The following HACL1 variants were observed in gnomAD, a reference collection of about 807,000 sequenced individuals.
The protein encoded by HACL1 is 1600020H07Rik.
Under a neutral mutation model 74.2 loss-of-function variants are expected in HACL1, and 64 were observed. The observed-to-expected ratio is 0.86, with a 90% CI of 0.70 to 1.06. The LOEUF (loss-of-function observed/expected upper bound fraction) is 1.06. HACL1 is among the 50% of genes least tolerant of loss of function. The pLI, the probability that HACL1 is intolerant of heterozygous loss-of-function variation, is 0.00. For synonymous variants in HACL1, 230 were observed against 238.8 expected (o/e 0.96, Z 0.34); for missense variants, 728 against 719.7 (o/e 1.01, Z -0.13).
chr3:15,563,587 C>T, intron 15 of HACL1, 43 bp from the exon 16 acceptor site: 1 of 1,292,626 alleles, frequency 7.7e-7, no homozygotes, highest in Non-Finnish European at 1.1e-6. Context: ...AAATCTTAAA[C>T]CTTGTAGAAA....
intron 9 of HACL1, 83 bp from the exon 10 acceptor site, chr3:15,575,165 T>A: frequency 1.4e-6 from 1 of 718,970 alleles, no homozygotes; most frequent in South Asian, 1.8e-5. Context: ...ATTTGAAAAG[T>A]CTAAATCATT....
chr3:15,567,737 A>G (rs887824469), intron 14 of HACL1, 107 bp downstream of exon 14: 4 of 999,768 alleles, frequency 4.0e-6, no homozygotes, highest in Non-Finnish European at 6.2e-6. Flanking sequence ...TGCTGTGCAC[A>G]GGGCACCTGG....
At chr3:15,597,216 T>C (rs780849358) in intron 2 of HACL1, among the ~76,000 whole-genome samples, 6 of 152,226 alleles carry the variant, frequency 3.9e-5, no homozygotes, top group Non-Finnish European at 8.8e-5. Flanking sequence ...ATTTACAAAA[T>C]ACCAAAAAGT....
At chr3:15,565,682 A>C (rs1183636014) in intron 14 of HACL1, among the ~76,000 whole-genome samples, 1 of 152,246 alleles carries the variant, frequency 6.6e-6, no homozygotes, top group Non-Finnish European at 1.5e-5. Flanking sequence ...CCATGCTCAA[A>C]AGGAGTCATT....
chr3:15,599,393 C>T (rs544030715), intron 2 of HACL1, among the ~76,000 whole-genome samples: 1 of 152,260 alleles, frequency 6.6e-6, no homozygotes, highest in East Asian at 1.9e-4. Context: ...CAGCCCCCTT[C>T]GTAGCTGGGA....
intron 5 of HACL1, among the ~76,000 whole-genome samples, chr3:15,589,213 C>T (rs891024345): frequency 1.3e-5 from 2 of 152,088 alleles, no homozygotes; most frequent in African/African-American, 4.8e-5. Context: ...TTAAGAGTTG[C>T]AGGCCAAGTG....
chr3:15,567,803 T>C (rs1306519418), intron 14 of HACL1, 41 bp downstream of exon 14: 3 of 1,575,570 alleles, frequency 1.9e-6, no homozygotes, highest in East Asian at 2.2e-5. Context: ...ATTTTTCATA[T>C]TCTAGAGAAT....
intron 4 of HACL1, 138 bp from the exon 5 acceptor site, chr3:15,589,750 T>C (rs1168610416): frequency 3.1e-6 from 2 of 651,708 alleles, no homozygotes; most frequent in Non-Finnish European, 5.3e-6. Context: ...AACTGTAGAT[T>C]AAGGCTGGGT....
chr3:15,589,583 T>C lies in HACL1; in HGVS notation c.338A>G (p.Glu113Gly). 1 of 1,610,836 alleles carries C rather than the reference T, an allele frequency of 6.2e-7. No homozygotes were observed. Among genetic ancestry groups the C allele is most frequent in the Non-Finnish European group, 8.5e-7 (1 of 1,177,102 alleles). ...WPLLVIGGSSERNQETMGAFQ... is the reference protein window; with the variant it reads ...WPLLVIGGSSGRNQETMGAFQ... ...AGCTCCCATTGTTTCTTGGTTTCTT[T>C]CAGAGGAACCACCAATCACAAGCAA... The change falls in exon 5 of 17, where the codon GAA becomes GGA. Residue 113 changes from glutamate (E) to glycine (G), a missense_variant. By Grantham distance (98) the Glu-to-Gly change is moderately conservative. Coordinates refer to ENST00000321169, the MANE Select transcript of HACL1 (RefSeq NM_012260.4).
At chr3:15,570,651 C>T (rs1418870333) in intron 12 of HACL1, among the ~76,000 whole-genome samples, 2 of 151,522 alleles carry the variant, frequency 1.3e-5, no homozygotes, top group African/African-American at 4.8e-5. Context: ...CACACACACA[C>T]ACTTTACTAG....
rs1006521377 is a variant in HACL1 at position 15,563,111 on chromosome 3, C to A, written c.1704+247G>T. ...TGTGAGGTTACCAGACTGTCCCTCT[C>A]CCCTACCAGACTACAAAAGCTCCAT... On this transcript the variant is annotated intron_variant, in intron 16 of 16. Transcript: ENST00000321169. Among the ~76,000 whole-genome samples, 3 of 152,210 alleles carry A rather than the reference C, an allele frequency of 2.0e-5. 1 individual carries two copies. The highest frequency in any genetic ancestry group is 1.3e-4 in the Admixed American group (2 of 15,280).
intron 7 of HACL1, among the ~76,000 whole-genome samples, chr3:15,584,743 A>G (rs1266959720): frequency 5.3e-5 from 8 of 152,202 alleles, no homozygotes; most frequent in African/African-American, 1.7e-4. Context: ...CTATCAGGGG[A>G]TGATTTAGAT....
In HACL1 at chr3:15,592,465, TAC is replaced by T. The variant is rs942717803; in HGVS notation, c.228-787_228-786del. On this transcript the variant is annotated intron_variant, in intron 3 of 16. Transcript: ENST00000321169. ...ACGTATACATACACACACGTATACA[TAC>T]ACACACGTATACATACACTTGTATA... Among the ~76,000 whole-genome samples, 35 of 60,122 alleles carry T rather than the reference TAC, an allele frequency of 5.8e-4. 2 individuals carry two copies. The highest frequency in any genetic ancestry group is 1.9e-3 in the African/African-American group (30 of 15,690). The allele number at this position is 60,122 out of a possible 152,430, so 39.4% of individuals were successfully genotyped here.
intron 9 of HACL1, among the ~76,000 whole-genome samples, chr3:15,579,456 A>C (rs1308279202): frequency 6.6e-6 from 1 of 152,196 alleles, no homozygotes; most frequent in Non-Finnish European, 1.5e-5. Flanking sequence ...GAACAGATAG[A>C]TACTCGGGGA....
At chr3:15,592,589 T>C (rs1376623110) in intron 3 of HACL1, among the ~76,000 whole-genome samples, 7 of 135,980 alleles carry the variant, frequency 5.1e-5, no homozygotes, top group Middle Eastern at 4.1e-3. Flanking sequence ...TGTGTGCGTG[T>C]ATACACATGT....
chr3:15,567,578 A>G (rs2063458808), intron 14 of HACL1, among the ~76,000 whole-genome samples: 2 of 152,078 alleles, frequency 1.3e-5, no homozygotes, highest in African/African-American at 4.8e-5. Context: ...AGCTTCTTTC[A>G]GTCCCCAACA....
At chr3:15,594,410 T>G (rs1021820576) in intron 3 of HACL1, among the ~76,000 whole-genome samples, 6 of 152,140 alleles carry the variant, frequency 3.9e-5, no homozygotes, top group Non-Finnish European at 2.9e-5. Flanking sequence ...TCCAAATAAA[T>G]AAATATTGAA....
intron 12 of HACL1, 126 bp downstream of exon 12, chr3:15,571,542 C>T (rs2063527454): frequency 1.4e-6 from 1 of 697,380 alleles, no homozygotes; most frequent in East Asian, 2.6e-5. Context: ...TCCATGAGAC[C>T]TGGGGTTTTC....
At chr3:15,574,233 T>C (rs1483372013) in intron 10 of HACL1, among the ~76,000 whole-genome samples, 2 of 152,150 alleles carry the variant, frequency 1.3e-5, no homozygotes, top group Non-Finnish European at 2.9e-5. Context: ...CCAGGCATTG[T>C]TGTACGCGTC....
Sources: allele counts gnomAD v4.1 joint callset (sites outside exome capture counted in the v4.1 genomes callset), GRCh38; gene constraint gnomAD v4.1.1; transcripts MANE v1.5; gene names NCBI Gene and HGNC (gene_info 2026-07-23, HGNC 2026-07-21).